The following CIT variants were observed in gnomAD, a reference collection of about 807,000 sequenced individuals.
CIT encodes citron Rho-interacting kinase.
CIT carries 79 observed loss-of-function variants against 272.7 expected under a neutral mutation model. That is an observed-to-expected ratio of 0.29 (90% confidence interval 0.24 to 0.35). The LOEUF is 0.35. CIT is among the 10% of genes least tolerant of loss of function. The pLI is 1.00. For missense variants in CIT, 1,909 were observed against 2,618.3 expected (o/e 0.73, Z 5.91); for synonymous variants, 948 against 995.6 (o/e 0.95, Z 0.90).
chr12:119,710,751 T>C lies in CIT; in HGVS notation c.4855-131A>G. On this transcript the variant is annotated intron_variant, in intron 37 of 47. Coordinates refer to ENST00000392521, the MANE Select transcript of CIT (RefSeq NM_001206999.2). This position sits in a 1 kb window ranked among gnomAD's most constrained non-coding sequence, Gnocchi z 5.6. Reference sequence around the variant, plus strand: ...CTGGAAATGCTCAGAAACGCACATATGCTCTTAGCTCAGCCCGTATTTTGA... The same window carrying C: ...CTGGAAATGCTCAGAAACGCACATACGCTCTTAGCTCAGCCCGTATTTTGA... The C allele has an allele frequency of 2.3e-6, 2 of 860,202 alleles. No homozygotes were observed. The highest frequency in any genetic ancestry group is 2.6e-5 in the East Asian group (1 of 38,616). 53.3% of individuals were successfully genotyped at this position (860,202 alleles called of 1,614,324 possible).
At chr12:119,810,621 CA>C (rs1466885305) in intron 9 of CIT, among the ~76,000 whole-genome samples, 1 of 149,120 alleles carries the variant, frequency 6.7e-6, no homozygotes, top group Non-Finnish European at 1.5e-5. Context: ...GAGAATCCCT[CA>C]AACCCGGGAG....
intron 6 of CIT, 38 bp from the exon 7 acceptor site, chr12:119,832,902 C>G: frequency 6.7e-7 from 1 of 1,489,768 alleles, no homozygotes; most frequent in South Asian, 1.1e-5. Flanking sequence ...CCTCCTCCAT[C>G]CCAATCAGCA....
intron 16 of CIT, 34 bp from the exon 17 acceptor site, chr12:119,772,944 C>T: frequency 6.4e-7 from 1 of 1,569,170 alleles, no homozygotes; most frequent in Non-Finnish European, 8.6e-7. Flanking sequence ...GATAGGTGGG[C>T]AAATTTATTC....
chr12:119,759,184 C>A (rs537580221), intron 20 of CIT, among the ~76,000 whole-genome samples: 1 of 152,326 alleles, frequency 6.6e-6, no homozygotes, highest in Admixed American at 6.5e-5. Flanking sequence ...ACCGGTCTGC[C>A]ACCTGTTATG....
chr12:119,777,125 C>A (rs1043667525), intron 13 of CIT, among the ~76,000 whole-genome samples: 5 of 151,826 alleles, frequency 3.3e-5, no homozygotes, highest in African/African-American at 1.2e-4. Context: ...TGTGGTGGTG[C>A]GGGCCTATAG....
chr12:119,837,954 A>G (rs1738177480), intron 5 of CIT, among the ~76,000 whole-genome samples: 1 of 152,148 alleles, frequency 6.6e-6, no homozygotes, highest in African/African-American at 2.4e-5. Flanking sequence ...CTAAATCAAT[A>G]CTTGAGTGCC....
At chr12:119,826,476 G>A (rs1237929591) in intron 7 of CIT, among the ~76,000 whole-genome samples, 1 of 152,106 alleles carries the variant, frequency 6.6e-6, no homozygotes, top group African/African-American at 2.4e-5. Flanking sequence ...ATATGCTGTT[G>A]ATGAAAGAAG....
intron 23 of CIT, among the ~76,000 whole-genome samples, chr12:119,744,603 C>A (rs1959182299): frequency 6.6e-6 from 1 of 151,140 alleles, no homozygotes; most frequent in African/African-American, 2.4e-5. Context: ...GTAGTCACAG[C>A]TACTCTGGAG....
intron 10 of CIT, among the ~76,000 whole-genome samples, chr12:119,785,932 T>C (rs577113558): frequency 6.6e-6 from 1 of 152,312 alleles, no homozygotes; most frequent in South Asian, 2.1e-4. Flanking sequence ...GTGTGTTGTT[T>C]TAAGCCACTA....
At chr12:119,788,920 C>G (rs1349041306) in intron 10 of CIT, among the ~76,000 whole-genome samples, 1 of 151,986 alleles carries the variant, frequency 6.6e-6, no homozygotes, top group Non-Finnish European at 1.5e-5. Context: ...AAAATTGCAT[C>G]TAAAAAAAAG....
At chr12:119,755,895 C>A (rs1297667368) in intron 22 of CIT, among the ~76,000 whole-genome samples, 1 of 152,134 alleles carries the variant, frequency 6.6e-6, no homozygotes, top group African/African-American at 2.4e-5. Flanking sequence ...TTTAATCTCC[C>A]ACCGTCATTA....
intron 27 of CIT, among the ~76,000 whole-genome samples, chr12:119,730,264 T>C (rs1454839809): frequency 6.6e-6 from 1 of 152,010 alleles, no homozygotes; most frequent in East Asian, 1.9e-4. Context: ...ACACAGATTT[T>C]AAAAAGTCAC....
At chr12:119,860,616 C>G (rs1280518863) in intron 3 of CIT, among the ~76,000 whole-genome samples, 1 of 152,028 alleles carries the variant, frequency 6.6e-6, no homozygotes, top group Non-Finnish European at 1.5e-5. Flanking sequence ...AAGCAGTGTC[C>G]AACTTAATAA....
Position 119,687,451 on chromosome 12 carries a change from A to G in CIT, c.*781T>C, listed in dbSNP as rs1481573182. ...GGGAGATGACGCTGGGGGGTGGGGA[A>G]GGAAAGCGTCTCGAGGTCCCTTGGC... is the stretch of plus-strand genomic sequence containing the variant. On this transcript the variant is annotated 3_prime_UTR_variant, in exon 48 of 48. Coordinates refer to ENST00000392521, the MANE Select transcript of CIT (RefSeq NM_001206999.2). 2.6e-5 allele frequency: 4 copies of G among 152,682 alleles called. No homozygotes were observed. In the East Asian group the frequency reaches 7.7e-4, roughly 29 times the overall value. 9.5% of individuals were successfully genotyped at this position (152,682 alleles called of 1,614,324 possible).
At chr12:119,750,770 T>C (rs1213973181) in intron 23 of CIT, among the ~76,000 whole-genome samples, 2 of 151,530 alleles carry the variant, frequency 1.3e-5, no homozygotes, top group Non-Finnish European at 2.9e-5. Flanking sequence ...GATAGATAGA[T>C]AGATAGATAG....
chr12:119,854,294 T>A (rs1367064247), intron 4 of CIT, among the ~76,000 whole-genome samples: 2 of 150,950 alleles, frequency 1.3e-5, no homozygotes, highest in African/African-American at 4.9e-5. Context: ...TCCAAAGTGC[T>A]GGGATTACAG....
At chr12:119,739,830 G>A (rs1054649099) in intron 24 of CIT, among the ~76,000 whole-genome samples, 4 of 152,114 alleles carry the variant, frequency 2.6e-5, no homozygotes, top group African/African-American at 9.7e-5. Flanking sequence ...TCTGAAATGT[G>A]GATACGTGGT....
At chr12:119,783,169 A>T (rs1035772009) in intron 12 of CIT, 1 of 152,360 alleles carries the variant, frequency 6.6e-6, no homozygotes, top group Non-Finnish European at 1.5e-5. Context: ...ACTGAAATCT[A>T]TATCTGAAAT....
rs1957620165 is a variant in CIT, at chr12:119,717,976, G to C, written c.4168+269C>G. 2.0e-5 allele frequency among the ~76,000 whole-genome samples: 3 copies of C among 151,226 alleles called. No homozygotes were observed. In the South Asian group the frequency reaches 6.3e-4, roughly 32 times the overall value. On this transcript the variant is annotated intron_variant, in intron 32 of 47. Coordinates refer to ENST00000392521, the MANE Select transcript of CIT (RefSeq NM_001206999.2). ...CTGCCTCAGCCTCCCGAGTAGCTAG[G>C]ATTACAGGCATACACTACCATGCCC...
Sources: allele counts gnomAD v4.1 joint callset (sites outside exome capture counted in the v4.1 genomes callset), GRCh38; gene constraint gnomAD v4.1.1; non-coding constraint Gnocchi (gnomAD v3.1); transcripts MANE v1.5; gene names NCBI Gene and HGNC (gene_info 2026-07-23, HGNC 2026-07-21).